Variants in NOP56 observed in about 807,000 individuals in gnomAD.
NOP56 encodes the protein NOP56 ribonucleoprotein.
In NOP56, 31 loss-of-function variants were observed where a neutral mutation model predicts 58.3. The observed-to-expected ratio is 0.53, with a 90% CI of 0.40 to 0.72. The LOEUF is 0.72. Ranked by LOEUF, NOP56 falls within the 30% of genes least tolerant of loss-of-function variation. The probability of loss-of-function intolerance (pLI) is 0.00; values close to 1 mark genes in which losing one functional copy is unlikely to be tolerated. For synonymous variants in NOP56, 313 were observed against 282.8 expected (o/e 1.11, Z -1.07); for missense variants, 669 against 739.9 (o/e 0.90, Z 1.11).
At chr20:2,656,745 G>C (rs200845470) in intron 9 of NOP56, 29 bp from the exon 10 acceptor site, 6 of 1,614,116 alleles carry the variant, frequency 3.7e-6, no homozygotes, top group Non-Finnish European at 8.5e-7. Context: ...TCTTTGGGCT[G>C]ACAGGCTTTG....
At chr20:2,654,990 G>A (rs1397110314) in intron 5 of NOP56, 43 bp downstream of exon 5, 2 of 1,607,308 alleles carry the variant, frequency 1.2e-6, no homozygotes, top group Admixed American at 3.3e-5. Context: ...CCTTTGGTCT[G>A]TAGTTCAGTT....
In NOP56 at chr20:2,655,601, A is replaced by G. The variant is rs764409493; in HGVS notation, c.764A>G (p.Asp255Gly). ...LDASRSSMGM[D>G]ISAIDLINIE... ...CACACTTGGTTTTTCCTAGGCATGGACATATCTGCCATTGACTTGATAAAC... is the reference window on the plus strand; with the variant it reads ...CACACTTGGTTTTTCCTAGGCATGGGCATATCTGCCATTGACTTGATAAAC... Residue 255 changes from aspartate to glycine, a missense_variant, in exon 7 of 12, where the codon GAC becomes GGC. Physicochemically the swap from Asp to Gly is moderately conservative, Grantham distance 94. This residue lies in a region of NOP56 where 339 missense variants were observed against 430.5 expected (regional missense o/e 0.79). Transcript: ENST00000329276. The G allele has an allele frequency of 4.3e-5, 69 of 1,614,028 alleles. No individual in the cohort carries two copies. The highest frequency in any genetic ancestry group is 5.5e-5 in the Non-Finnish European group (65 of 1,180,032).
intron 1 of NOP56, 41 bp downstream of exon 1, chr20:2,652,704 G>C: frequency 2.7e-6 from 4 of 1,471,502 alleles, no homozygotes; most frequent in Admixed American, 2.6e-5. Context: ...CGACGGTGGG[G>C]GTTTCGGCCT....
intron 8 of NOP56, 109 bp downstream of exon 8, chr20:2,656,143 T>G (rs1343605836): frequency 1.1e-5 from 18 of 1,611,036 alleles, no homozygotes; most frequent in Non-Finnish European, 1.4e-5. Flanking sequence ...TACAGGCCTC[T>G]GCTATGGGGG....
rs1383335334 is a variant in NOP56, at chr20:2,655,472, CAAGGCT to C, written c.725_730del (p.Lys242_Ala243del). ...TGGAGGAGCTGACAATGGATGGGGC[CAAGGCT>C]AAGGCTATTCTGGATGCCTCACGGT... On this transcript the variant is annotated inframe_deletion, in exon 6 of 12. Coordinates refer to ENST00000329276, the MANE Select transcript of NOP56 (RefSeq NM_006392.4). The C allele has an allele frequency of 6.2e-7, 1 of 1,614,108 alleles. No homozygotes were observed. Among genetic ancestry groups the C allele is most frequent in the East Asian group, 2.2e-5 (1 of 44,874 alleles).
Position 2,657,843 on chromosome 20 carries a change from C to T in NOP56, c.1420-86C>T, listed in dbSNP as rs535933752. Reference sequence around the variant, plus strand: ...CAGAAACACTGGGCAATGTTAACGACACGCGTTCCCCTGCCTTGGCTACTT... The same window carrying T: ...CAGAAACACTGGGCAATGTTAACGATACGCGTTCCCCTGCCTTGGCTACTT... On this transcript the variant is annotated intron_variant, in intron 11 of 11. Transcript: ENST00000329276. 19 of 1,421,880 alleles carry T rather than the reference C, an allele frequency of 1.3e-5. No individual in the cohort carries two copies. In the East Asian group the frequency reaches 2.5e-4, roughly 19 times the overall value. 88.1% of individuals were successfully genotyped at this position (1,421,880 alleles called of 1,614,324 possible). A position where few individuals can be genotyped will look rare whatever the true frequency, so the allele number is the denominator to read the frequency against.
chr20:2,652,652 G>C lies in NOP56; in HGVS notation c.-9G>C. The C allele has an allele frequency of 7.0e-7, 1 of 1,427,626 alleles. No individual in the cohort carries two copies. The highest frequency in any genetic ancestry group is 9.1e-7 in the Non-Finnish European group (1 of 1,098,572). The allele number at this position is 1,427,626 out of a possible 1,614,324, so 88.4% of individuals were successfully genotyped here. ...GCCGCATTGCGAGCCGAACCCGGGA[G>C]CTGGCGCCATGGTGAGGAGTGGTTG... On this transcript the variant is annotated 5_prime_UTR_variant, in exon 1 of 12. Coordinates refer to ENST00000329276, the MANE Select transcript of NOP56 (RefSeq NM_006392.4).
intron 8 of NOP56, 74 bp from the exon 9 acceptor site, chr20:2,656,327 G>A: frequency 1.9e-6 from 3 of 1,606,924 alleles, no homozygotes; most frequent in South Asian, 1.1e-5. Flanking sequence ...GTGAGAGGAG[G>A]GGAGGAGCTG....
In NOP56 at chr20:2,658,378, A is replaced by T; in HGVS notation, c.*84A>T. On this transcript the variant is annotated 3_prime_UTR_variant, in exon 12 of 12. Coordinates refer to ENST00000329276, the MANE Select transcript of NOP56 (RefSeq NM_006392.4). ...CACCCTGTGCCGTGTTCCCCAATAA[A>T]AACAAATTCACAAGAGTTGGTTCAT... 1 of 1,610,268 alleles carries T rather than the reference A, an allele frequency of 6.2e-7. No individual in the cohort carries two copies. Among genetic ancestry groups the T allele is most frequent in the Non-Finnish European group, 8.5e-7 (1 of 1,178,354 alleles).
intron 7 of NOP56, 60 bp from the exon 8 acceptor site, chr20:2,655,871 TGTC>T (rs1246135798): frequency 3.1e-6 from 5 of 1,611,486 alleles, no homozygotes; most frequent in Non-Finnish European, 4.2e-6. Context: ...GGAGCAGGGC[TGTC>T]GTGCAACTGG....
At position 2,655,940 on chromosome 20, in the gene NOP56, G is replaced by T; in HGVS notation, c.916G>T (p.Ala306Ser). ...LSALIGEAVGARLIAHAGSLT... is the reference protein window; with the variant it reads ...LSALIGEAVGSRLIAHAGSLT... Reference sequence around the variant, plus strand: ...TCCTTGACTCTCTCTCCAGGTAGGTGCACGTCTCATCGCACATGCTGGCAG... The same window carrying T: ...TCCTTGACTCTCTCTCCAGGTAGGTTCACGTCTCATCGCACATGCTGGCAG... The change falls in exon 8 of 12, where the codon GCA (alanine) becomes TCA (serine). Residue 306 changes from alanine to serine, a missense_variant. Ala to Ser is a moderately conservative substitution (Grantham distance 99). This residue lies in a region of NOP56 where 339 missense variants were observed against 430.5 expected (regional missense o/e 0.79). Transcript: ENST00000329276. The T allele has an allele frequency of 2.5e-6, 4 of 1,614,182 alleles. No homozygotes were observed. The highest frequency in any genetic ancestry group is 3.4e-6 in the Non-Finnish European group (4 of 1,180,030).
intron 9 of NOP56, 97 bp downstream of exon 9, chr20:2,656,646 C>G: frequency 1.2e-6 from 2 of 1,605,096 alleles, no homozygotes; most frequent in Non-Finnish European, 1.7e-6. Context: ...CAATATTTTT[C>G]GTCAACAGCA....
chr20:2,657,590 A>C, intron 11 of NOP56: 2 of 507,280 alleles, frequency 3.9e-6, no homozygotes, highest in South Asian at 4.4e-5. Context: ...GTGCTAAGCT[A>C]CAATCATTCT....
At chr20:2,657,844 ACGCGTTC>A in intron 11 of NOP56, 78 bp from the exon 12 acceptor site, 2 of 1,430,124 alleles carry the variant, frequency 1.4e-6, no homozygotes, top group Middle Eastern at 1.8e-4. Context: ...TGTTAACGAC[ACGCGTTC>A]CCCTGCCTTG....
At chr20:2,657,825 A>G in intron 11 of NOP56, 104 bp from the exon 12 acceptor site, 1 of 1,285,936 alleles carries the variant, frequency 7.8e-7, no homozygotes, top group Non-Finnish European at 1.1e-6. Flanking sequence ...TCCCAGAAAC[A>G]CTGGGCAATG....
At position 2,656,532 on chromosome 20, in the gene NOP56, G is replaced by T. The variant is rs758338406; in HGVS notation, c.1142G>T (p.Arg381Leu). The change falls in exon 9 of 12, where the codon CGA becomes CTA. Residue 381 changes from arginine to leucine, a missense_variant. This residue lies in a region of NOP56 where 339 missense variants were observed against 430.5 expected (regional missense o/e 0.79). Transcript: ENST00000329276. ...YLANKCSIAS[R>L]IDCFSEVPTS... ...GCAAACAAATGCAGTATTGCCTCACGAATCGATTGCTTCTCTGGTATGGGT... is the reference window on the plus strand; with the variant it reads ...GCAAACAAATGCAGTATTGCCTCACTAATCGATTGCTTCTCTGGTATGGGT... 6 of 1,611,602 alleles carry T rather than the reference G, an allele frequency of 3.7e-6. No individual in the cohort carries two copies. Among genetic ancestry groups the T allele is most frequent in the Non-Finnish European group, 3.4e-6 (4 of 1,178,746 alleles).
At chr20:2,656,214 G>T in intron 8 of NOP56, 180 bp downstream of exon 8, 1 of 1,604,806 alleles carries the variant, frequency 6.2e-7, no homozygotes. Flanking sequence ...CAAGTTTCCA[G>T]GTCAGCGACA....
At chr20:2,655,831 C>T (rs2086809557) in intron 7 of NOP56, 85 bp downstream of exon 7, 1 of 1,610,300 alleles carries the variant, frequency 6.2e-7, no homozygotes, top group South Asian at 1.1e-5. Flanking sequence ...CCCACCATGT[C>T]TTCCCTAGTT....
At position 2,652,762 on chromosome 20, in the gene NOP56, T is replaced by C. The variant is rs757488166; in HGVS notation, c.4-80T>C. 2.4e-5 allele frequency: 37 copies of C among 1,540,488 alleles called. No individual in the cohort carries two copies. The South Asian group carries it at 3.9e-4, about 16-fold the overall frequency. Reference sequence around the variant, plus strand: ...CTGGGCCTGGGCCTGGGCCTGCGCCTGCGCCTGCGCCTGCCCTGGGAACGG... The same window carrying C: ...CTGGGCCTGGGCCTGGGCCTGCGCCCGCGCCTGCGCCTGCCCTGGGAACGG... On this transcript the variant is annotated intron_variant, in intron 1 of 11. Coordinates refer to ENST00000329276, the MANE Select transcript of NOP56 (RefSeq NM_006392.4).
Sources: allele counts gnomAD v4.1 joint callset, GRCh38; gene constraint gnomAD v4.1.1; regional missense constraint gnomAD v4.1.1; transcripts MANE v1.5; gene names NCBI Gene and HGNC (gene_info 2026-07-23, HGNC 2026-07-21).